The following PLXDC2 variants were observed in gnomAD, a reference collection of about 807,000 sequenced individuals.
The protein encoded by PLXDC2 is plexin domain containing 2.
In PLXDC2, 40 loss-of-function variants were observed where a neutral mutation model predicts 68.9. The ratio of observed to expected loss-of-function variants is 0.58; its 90% CI spans 0.45 to 0.76. The LOEUF is 0.76. Ranked by LOEUF, PLXDC2 falls within the 30% of genes least tolerant of loss-of-function variation. The probability of loss-of-function intolerance (pLI) is 0.00; values close to 1 mark genes in which losing one functional copy is unlikely to be tolerated. For synonymous variants in PLXDC2, 243 were observed against 234.2 expected (o/e 1.04, Z -0.34); for missense variants, 644 against 661.9 (o/e 0.97, Z 0.30).
At chr10:20,012,302 TCTTTTTTA>T (rs1835129234) in intron 2 of PLXDC2, among the ~76,000 whole-genome samples, 1 of 80,356 alleles carries the variant, frequency 1.2e-5, no homozygotes, top group African/African-American at 5.5e-5. Flanking sequence ...TCTCTCTCTC[TCTTTTTTA>T]TTTTTTTTTT....
At chr10:20,111,996 C>T (rs955385871) in intron 4 of PLXDC2, among the ~76,000 whole-genome samples, 4 of 152,114 alleles carry the variant, frequency 2.6e-5, no homozygotes, top group Admixed American at 1.3e-4. Context: ...GGGATTAATG[C>T]TCTCTTATGA....
chr10:20,167,303 G>A (rs1475783522), intron 7 of PLXDC2, among the ~76,000 whole-genome samples: 3 of 152,114 alleles, frequency 2.0e-5, no homozygotes, highest in African/African-American at 7.2e-5. Flanking sequence ...ATACACGGTT[G>A]CATTGTATTC....
chr10:20,067,755 C>A (rs7912310), intron 3 of PLXDC2, among the ~76,000 whole-genome samples: 1 of 151,534 alleles, frequency 6.6e-6, no homozygotes, highest in South Asian at 2.1e-4. Context: ...CGTGAAACTG[C>A]TTTTCATTAT....
chr10:20,254,256 A>G (rs1417062059), intron 13 of PLXDC2, among the ~76,000 whole-genome samples: 1 of 152,198 alleles, frequency 6.6e-6, no homozygotes, highest in Non-Finnish European at 1.5e-5. Flanking sequence ...CCTGGCAACT[A>G]ATAGTACCAC....
chr10:20,022,858 G>A (rs548229755), intron 2 of PLXDC2, among the ~76,000 whole-genome samples: 100 of 151,916 alleles, frequency 6.6e-4, no homozygotes, highest in East Asian at 7.7e-4. Context: ...GAGTTTTTGC[G>A]AATAAAATAT....
chr10:20,107,887 A>C (rs1159829945), intron 4 of PLXDC2, among the ~76,000 whole-genome samples: 1 of 152,196 alleles, frequency 6.6e-6, no homozygotes, highest in Non-Finnish European at 1.5e-5. Context: ...AAGAAGGAAA[A>C]ATTAACAAAT....
At chr10:20,266,347 T>C (rs1835871813) in intron 13 of PLXDC2, among the ~76,000 whole-genome samples, 1 of 148,852 alleles carries the variant, frequency 6.7e-6, no homozygotes, top group South Asian at 2.1e-4. Context: ...AAATGTAAAT[T>C]AATGAAATTG....
At chr10:20,036,511 A>G (rs956149506) in intron 2 of PLXDC2, among the ~76,000 whole-genome samples, 6 of 152,212 alleles carry the variant, frequency 3.9e-5, no homozygotes, top group Non-Finnish European at 8.8e-5. Context: ...CTAAGGCAGT[A>G]TGTAAACAGT....
chr10:20,279,533 C>A (rs2119398233), intron 13 of PLXDC2, among the ~76,000 whole-genome samples, 170 bp from the exon 14 acceptor site: 1 of 152,078 alleles, frequency 6.6e-6, no homozygotes, highest in Non-Finnish European at 1.5e-5. Flanking sequence ...AAGCACAGGG[C>A]TTGGAGGGTT....
intron 13 of PLXDC2, among the ~76,000 whole-genome samples, chr10:20,251,958 G>T (rs937694584): frequency 5.0e-5 from 7 of 139,440 alleles, no homozygotes; most frequent in Non-Finnish European, 9.5e-5. Context: ...AAAAAAAAAA[G>T]TAAAAACTAA....
chr10:20,170,992 G>C (rs1437284016), intron 7 of PLXDC2, among the ~76,000 whole-genome samples: 1 of 151,880 alleles, frequency 6.6e-6, no homozygotes, highest in Admixed American at 6.6e-5. Flanking sequence ...AAATATAAGT[G>C]TATTTATTAA....
intron 1 of PLXDC2, among the ~76,000 whole-genome samples, chr10:19,878,491 G>T (rs1837674115): frequency 6.6e-6 from 1 of 152,170 alleles, no homozygotes. Flanking sequence ...CTTGAGTCTA[G>T]CTGAAGTAAA....
chr10:19,957,453 T>G (rs969598443), intron 1 of PLXDC2, among the ~76,000 whole-genome samples: 4 of 152,146 alleles, frequency 2.6e-5, no homozygotes, highest in Non-Finnish European at 5.9e-5. Flanking sequence ...CACATTTGGA[T>G]TACATGTATA....
At chr10:20,257,062 G>C (rs1835751389) in intron 13 of PLXDC2, among the ~76,000 whole-genome samples, 1 of 152,132 alleles carries the variant, frequency 6.6e-6, no homozygotes, top group Non-Finnish European at 1.5e-5. Context: ...TGTGCTGGAT[G>C]GATCTGAGGA....
At chr10:19,861,014 T>TC (rs1375645327) in intron 1 of PLXDC2, among the ~76,000 whole-genome samples, 8 of 151,900 alleles carry the variant, frequency 5.3e-5, no homozygotes, top group Non-Finnish European at 1.0e-4. Flanking sequence ...GGGTGATTTT[T>TC]TTTTTTTTTC....
At position 20,265,910 on chromosome 10, in the gene PLXDC2, C is replaced by G. The variant is rs11011921; in HGVS notation, c.1474-13793C>G. Reference sequence around the variant, plus strand: ...GCCTTTGCCACACCTTCTTTCCTGCCCCACCAACGGGATATACGGTCCCCG... The same window carrying G: ...GCCTTTGCCACACCTTCTTTCCTGCGCCACCAACGGGATATACGGTCCCCG... On this transcript the variant is annotated intron_variant, in intron 13 of 13. Coordinates refer to ENST00000377252, the MANE Select transcript of PLXDC2 (RefSeq NM_032812.9). Among the ~76,000 whole-genome samples the G allele has an allele frequency of 1.9e-3, 283 of 152,216 alleles. 1 individual carries two copies. The highest frequency in any genetic ancestry group is 3.0e-3 in the Non-Finnish European group (203 of 68,022).
intron 12 of PLXDC2, among the ~76,000 whole-genome samples, chr10:20,223,220 A>C (rs1193423671): frequency 6.6e-6 from 1 of 152,084 alleles, no homozygotes; most frequent in Non-Finnish European, 1.5e-5. Flanking sequence ...TAGCTAGCAC[A>C]TGGCAGAGCT....
At position 20,016,670 on chromosome 10, in the gene PLXDC2, T is replaced by C. The variant is rs749312868; in HGVS notation, c.324+14684T>C. The stretch of plus-strand genomic sequence containing the variant: ...CAGGCACAGGACAGTGCTTAGTACC[T>C]TCTGGAAACCACCCTTGTCTACTAT... On this transcript the variant is annotated intron_variant, in intron 2 of 13. Coordinates refer to ENST00000377252, the MANE Select transcript of PLXDC2 (RefSeq NM_032812.9). Among the ~76,000 whole-genome samples, 109 of 152,212 alleles carry C rather than the reference T, an allele frequency of 7.2e-4. 2 individuals are homozygous for C. The highest frequency in any genetic ancestry group is 3.5e-4 in the Non-Finnish European group (24 of 68,038).
intron 4 of PLXDC2, among the ~76,000 whole-genome samples, chr10:20,114,922 G>C (rs932471057): frequency 6.6e-6 from 1 of 152,120 alleles, no homozygotes; most frequent in Non-Finnish European, 1.5e-5. Context: ...CTTATGTATT[G>C]TGCCAAGTAA....
Sources: allele counts gnomAD v4.1 joint callset (sites outside exome capture counted in the v4.1 genomes callset), GRCh38; gene constraint gnomAD v4.1.1; transcripts MANE v1.5; gene names NCBI Gene and HGNC (gene_info 2026-07-23, HGNC 2026-07-21).